RBM10: variants seen among roughly 807,000 people sequenced by gnomAD.
The protein encoded by RBM10 is RNA binding motif protein 10, also known as RNA-binding protein 10.
In RBM10, 1 loss-of-function variant was observed where a neutral mutation model predicts 84.9. The observed-to-expected ratio is 0.01, with a 90% CI of 0.00 to 0.06. RBM10 has a LOEUF of 0.06. Ranked by LOEUF, RBM10 falls within the 10% of genes least tolerant of loss-of-function variation. The pLI is 1.00. For missense variants in RBM10, 438 were observed against 839.0 expected (o/e 0.52, Z 5.90); for synonymous variants, 326 against 344.5 (o/e 0.95, Z 0.60).
rs781915296 is a variant in RBM10 at position 47,186,279 on chromosome X, G to A, written c.2559G>A (p.Arg853=). ...GCAGAGACTTCGAGCAGCCTACTCG[G>A]GACGGGCTGGGCAGTGACAACATTG... ...TASVDFEQPT[R]DGLGSDNIGS... is the part of the protein sequence containing the mutation. The change falls in exon 23 of 24, where the codon CGG becomes CGA. Residue 853 remains arginine, a synonymous_variant. Coordinates refer to ENST00000377604, the MANE Select transcript of RBM10 (RefSeq NM_005676.5). The A allele has an allele frequency of 1.7e-6, 2 of 1,208,374 alleles. No individual in the cohort carries two copies. The highest frequency in any genetic ancestry group is 2.2e-6 in the Non-Finnish European group (2 of 893,457).
In RBM10 at chrX:47,186,503, G is replaced by A. The variant is rs782612727; in HGVS notation, c.2697G>A (p.Leu899=). 10 of 1,209,822 alleles carry A rather than the reference G, an allele frequency of 8.3e-6. No homozygotes were observed. In the East Asian group the frequency reaches 2.7e-4, roughly 32 times the overall value. The change falls in exon 24 of 24, where the codon CTG becomes CTA. Residue 899 remains leucine, a synonymous_variant. Transcript: ENST00000377604. ...EAQTRVRGSG[L]GARGSSYGVT... ...AAACACGGGTGCGGGGCTCCGGCCT[G>A]GGTGCACGGGGCAGCTCCTACGGGG...
intron 2 of RBM10, among the ~76,000 whole-genome samples, chrX:47,161,907 A>G (rs1234635033): frequency 9.0e-6 from 1 of 110,866 alleles, no homozygotes; most frequent in Non-Finnish European, 1.9e-5. Context: ...CAGTGGCGCA[A>G]TCTCGGCTCA....
intron 3 of RBM10, 21 bp downstream of exon 3, chrX:47,169,519 G>A (rs201785501): frequency 5.0e-6 from 6 of 1,190,096 alleles, no homozygotes; most frequent in East Asian, 3.0e-5. Context: ...GGCGCGCTGC[G>A]CCAGGCCTGG....
intron 1 of RBM10, 22 bp downstream of exon 1, chrX:47,145,507 G>C (rs1313755078): frequency 2.0e-5 from 23 of 1,149,749 alleles, no homozygotes; most frequent in Non-Finnish European, 2.5e-5. Flanking sequence ...CGCTGGTCGT[G>C]GGGGCGGAGG....
chrX:47,186,809 C>G lies in RBM10; in HGVS notation c.*210C>G, dbSNP rs1935947983. ...TGTTTTGTAATAAAAGCTGAAAAGTCTGCATGTTGGCCTCTCCTCTTTCTC... is the reference window on the plus strand; with the variant it reads ...TGTTTTGTAATAAAAGCTGAAAAGTGTGCATGTTGGCCTCTCCTCTTTCTC... On this transcript the variant is annotated 3_prime_UTR_variant, in exon 24 of 24. Transcript: ENST00000377604. 1 of 483,673 alleles carries G rather than the reference C, an allele frequency of 2.1e-6. No homozygotes were observed. Among genetic ancestry groups the G allele is most frequent in the Non-Finnish European group, 3.6e-6 (1 of 277,891 alleles). 39.9% of individuals were successfully genotyped at this position (483,673 alleles called of 1,213,427 possible). A position where few individuals can be genotyped will look rare whatever the true frequency, so the allele number is the denominator to read the frequency against.
chrX:47,166,680 T>C (rs1934236138), intron 2 of RBM10, among the ~76,000 whole-genome samples: 1 of 110,308 alleles, frequency 9.1e-6, no homozygotes, highest in Non-Finnish European at 1.9e-5. Flanking sequence ...GGGATCTTGC[T>C]ATGTTGTCCA....
chrX:47,162,096 C>T (rs1933755647), intron 2 of RBM10, among the ~76,000 whole-genome samples: 1 of 112,603 alleles, frequency 8.9e-6, no homozygotes, highest in African/African-American at 3.2e-5. Flanking sequence ...CTGCCTTGGC[C>T]TCCCACAGTG....
At chrX:47,145,871 G>T (rs1932142592) in intron 1 of RBM10, among the ~76,000 whole-genome samples, 1 of 103,101 alleles carries the variant, frequency 9.7e-6, no homozygotes, top group African/African-American at 3.6e-5. Context: ...ATCGGTCCAT[G>T]GGGAAATATT....
intron 6 of RBM10, 147 bp from the exon 7 acceptor site, chrX:47,176,350 CCTT>C: frequency 9.7e-7 from 1 of 1,035,394 alleles, no homozygotes; most frequent in Non-Finnish European, 1.3e-6. Flanking sequence ...TCCCTACCTC[CCTT>C]CTTCCCTCCA....
intron 2 of RBM10, among the ~76,000 whole-genome samples, chrX:47,148,042 G>A (rs1301030714): frequency 8.9e-6 from 1 of 111,783 alleles, no homozygotes; most frequent in African/African-American, 3.3e-5. Context: ...AGGTGATTCC[G>A]AGGCAGGTGA....
At position 47,185,386 on chromosome X, in the gene RBM10, GA is replaced by G; in HGVS notation, c.2166+20del. 4 of 1,186,877 alleles carry G rather than the reference GA, an allele frequency of 3.4e-6. No homozygotes were observed. The African/African-American group carries it at 7.0e-5, about 21-fold the overall frequency. On this transcript the variant is annotated intron_variant, in intron 19 of 23. Transcript: ENST00000377604. ...CCGCCCAGTGAGTGCCCAAGGCAGA[GA>G]GGGGCGGGGGCTCTGATCTGGCCAG...
chrX:47,159,350 G>A (rs1556766145), intron 2 of RBM10, among the ~76,000 whole-genome samples: 3 of 106,995 alleles, frequency 2.8e-5, no homozygotes, highest in Non-Finnish European at 5.8e-5. Context: ...GGAGGTTGCG[G>A]TGAGCCGAGA....
At chrX:47,162,973 G>T (rs1463510554) in intron 2 of RBM10, among the ~76,000 whole-genome samples, 1 of 108,734 alleles carries the variant, frequency 9.2e-6, no homozygotes, top group African/African-American at 3.4e-5. Flanking sequence ...CATCACCAGA[G>T]ATAAGTCATG....
Position 47,169,433 on chromosome X carries a change from C to T in RBM10, c.136C>T (p.Arg46Cys), listed in dbSNP as rs781848934. 16 of 1,211,503 alleles carry T rather than the reference C, an allele frequency of 1.3e-5. No individual in the cohort carries two copies. The highest frequency in any genetic ancestry group is 3.5e-5 in the South Asian group (2 of 56,905). ...YRDMDYRSYP[R>C]EYGSQEGKHD... ...GGACATGGACTACCGTTCATATCCT[C>T]GCGAGTATGGCAGCCAGGAGGGCAA... Residue 46 changes from arginine to cysteine, a missense_variant, in exon 3 of 24, where the codon CGC becomes TGC. Around this residue, in one of 8 missense-constraint regions of RBM10, gnomAD observed 92 missense variants for 134.3 expected, o/e 0.69. Transcript: ENST00000377604.
At chrX:47,168,647 G>A (rs1281949896) in intron 2 of RBM10, among the ~76,000 whole-genome samples, 1 of 111,551 alleles carries the variant, frequency 9.0e-6, no homozygotes, top group Non-Finnish European at 1.9e-5. Context: ...TGCTAGTGTC[G>A]GCAAGGTGAC....
intron 2 of RBM10, among the ~76,000 whole-genome samples, chrX:47,149,069 A>G (rs1932548997): frequency 9.3e-6 from 1 of 107,110 alleles, no homozygotes; most frequent in East Asian, 2.8e-4. Flanking sequence ...TTCATAGAAA[A>G]TGAAAATATG....
At position 47,185,425 on chromosome X, in the gene RBM10, A is replaced by G. The variant is rs2147215013; in HGVS notation, c.2167-17A>G. The stretch of plus-strand genomic sequence containing the variant: ...CTGATCTGGCCAGGCCTGACCGCCC[A>G]CCCTCACCCTCTACAGAGCCCTCCG... On this transcript the variant is annotated splice_polypyrimidine_tract_variant and intron_variant, in intron 19 of 23. Coordinates refer to ENST00000377604, the MANE Select transcript of RBM10 (RefSeq NM_005676.5). 1 of 1,174,455 alleles carries G rather than the reference A, an allele frequency of 8.5e-7. No homozygotes were observed. The highest frequency in any genetic ancestry group is 1.9e-5 in the South Asian group (1 of 53,285).
intron 11 of RBM10, 32 bp downstream of exon 11, chrX:47,180,341 T>TG: frequency 3.7e-6 from 2 of 541,195 alleles, no homozygotes; most frequent in Non-Finnish European, 5.5e-6. Context: ...CTTCCCACCC[T>TG]TCCCCTCCCC....
In RBM10 at chrX:47,175,112, AC is replaced by A. The variant is rs782452046; in HGVS notation, c.576+29del. 665 of 921,222 alleles carry A rather than the reference AC, an allele frequency of 7.2e-4. No individual in the cohort carries two copies. Among genetic ancestry groups the A allele is most frequent in the Non-Finnish European group, 8.4e-4 (576 of 685,129 alleles). 75.9% of individuals were successfully genotyped at this position (921,222 alleles called of 1,213,427 possible). A position where few individuals can be genotyped will look rare whatever the true frequency, so the allele number is the denominator to read the frequency against. On this transcript the variant is annotated intron_variant, in intron 6 of 23. Coordinates refer to ENST00000377604, the MANE Select transcript of RBM10 (RefSeq NM_005676.5). ...AATCAGGTTGCTTTGCCGCACTTGA[AC>A]CCCCCCCCAAACAAATACTACTTTG...
Sources: gnomAD v4.1 joint callset for allele counts (sites outside exome capture counted in the v4.1 genomes callset) on GRCh38, gnomAD v4.1.1 for gene constraint, gnomAD v4.1.1 regional missense constraint, MANE v1.5 for transcripts, NCBI Gene and HGNC (gene_info 2026-07-23, HGNC 2026-07-21) for gene names.